The following KCNMB2 variants were observed in gnomAD, a reference collection of about 807,000 sequenced individuals.
The protein encoded by KCNMB2 is potassium calcium-activated channel subfamily M regulatory beta subunit 2.
A neutral mutation model predicts 24.5 loss-of-function variants in KCNMB2; 9 were observed. The observed-to-expected ratio is 0.37, with a 90% CI of 0.22 to 0.64. The LOEUF is 0.64. Ranked by LOEUF, KCNMB2 falls within the 30% of genes least tolerant of loss-of-function variation. The pLI is 0.63. For synonymous variants in KCNMB2, 109 were observed against 104.4 expected, an observed-to-expected ratio of 1.04 and a Z score of -0.27; for missense variants, 226 against 284.3, an observed-to-expected ratio of 0.79 and a Z score of 1.47.
intron 1 of KCNMB2, among the ~76,000 whole-genome samples, chr3:178,771,412 C>A (rs1473949772): frequency 2.7e-5 from 4 of 150,820 alleles, no homozygotes; most frequent in Non-Finnish European, 5.9e-5. Context: ...AAGTCCTGGA[C>A]ATTGCCTACA....
At chr3:178,586,136 C>A (rs961016729) in intron 1 of KCNMB2, among the ~76,000 whole-genome samples, 2 of 152,108 alleles carry the variant, frequency 1.3e-5, no homozygotes, top group African/African-American at 4.8e-5. Context: ...CTGGGATAAG[C>A]CCATGGATGT....
intron 1 of KCNMB2, among the ~76,000 whole-genome samples, chr3:178,562,129 C>T (rs1716341969): frequency 6.6e-6 from 1 of 152,204 alleles, no homozygotes; most frequent in African/African-American, 2.4e-5. Context: ...CTTTGCCTAC[C>T]TTTCTATAAT....
chr3:178,654,177 T>C (rs1720236797), intron 1 of KCNMB2, among the ~76,000 whole-genome samples: 1 of 152,208 alleles, frequency 6.6e-6, no homozygotes, highest in Non-Finnish European at 1.5e-5. Flanking sequence ...ATTTTATATC[T>C]GTGACTATTT....
chr3:178,607,320 T>C (rs1718309394), intron 1 of KCNMB2, among the ~76,000 whole-genome samples: 1 of 152,200 alleles, frequency 6.6e-6, no homozygotes, highest in Admixed American at 6.5e-5. Context: ...AAGGCTAAGT[T>C]GATAATAAAT....
At chr3:178,676,478 A>G (rs1008970445) in intron 1 of KCNMB2, among the ~76,000 whole-genome samples, 5 of 152,182 alleles carry the variant, frequency 3.3e-5, no homozygotes, top group African/African-American at 4.8e-5. Flanking sequence ...CATCCTCCTC[A>G]GCCATTTTTC....
At chr3:178,804,234 G>T (rs192341775) in intron 1 of KCNMB2, among the ~76,000 whole-genome samples, 2 of 152,268 alleles carry the variant, frequency 1.3e-5, no homozygotes, top group East Asian at 3.9e-4. Flanking sequence ...GAGCAAAATT[G>T]AATTAATATC....
chr3:178,626,442 G>A (rs1310710350), intron 1 of KCNMB2, among the ~76,000 whole-genome samples: 1 of 152,190 alleles, frequency 6.6e-6, no homozygotes, highest in Non-Finnish European at 1.5e-5. Flanking sequence ...TTTTCACACT[G>A]CTATAAAGAA....
intron 1 of KCNMB2, among the ~76,000 whole-genome samples, chr3:178,655,038 G>A (rs1419446861): frequency 6.6e-6 from 1 of 150,566 alleles, no homozygotes; most frequent in East Asian, 2.0e-4. Context: ...AGAATTAAAT[G>A]AGATCAAATA....
rs1560004846 is a variant in KCNMB2, at chr3:178,757,300, A to ATATG, written c.-67-50040_-67-50039insGTAT. Among the ~76,000 whole-genome samples the ATATG allele has an allele frequency of 5.8e-4, 72 of 124,894 alleles. 4 individuals carry two copies. The highest frequency in any genetic ancestry group is 2.0e-3 in the African/African-American group (68 of 33,516). The allele number at this position is 124,894 out of a possible 152,430, so 81.9% of individuals were successfully genotyped here. On this transcript the variant is annotated intron_variant, in intron 1 of 4. Transcript: ENST00000452583. ...TACATATATCCAAGAGGATATATATATATATATCCATCCAAGAGGACATAT... is the reference window on the plus strand; with the variant it reads ...TACATATATCCAAGAGGATATATATATATGTATATATCCATCCAAGAGGACATAT...
intron 1 of KCNMB2, among the ~76,000 whole-genome samples, chr3:178,757,791 TATCTTATATCC>T (rs1257439133): frequency 9.7e-5 from 8 of 82,102 alleles, no homozygotes; most frequent in Non-Finnish European, 1.6e-4. Context: ...TATATACATA[TATCTTATATCC>T]ATCCAAGAGG....
chr3:178,831,116 T>C (rs568760820), intron 4 of KCNMB2, among the ~76,000 whole-genome samples: 7 of 152,036 alleles, frequency 4.6e-5, no homozygotes, highest in Non-Finnish European at 7.4e-5. Context: ...TTTTTGTTTG[T>C]TTTTTCATAT....
At chr3:178,803,168 T>C (rs1560027834) in intron 1 of KCNMB2, among the ~76,000 whole-genome samples, 1 of 152,192 alleles carries the variant, frequency 6.6e-6, no homozygotes, top group African/African-American at 2.4e-5. Flanking sequence ...AGACGTTAAA[T>C]TGACTTGTCC....
At chr3:178,600,034 T>C (rs1718023538) in intron 1 of KCNMB2, among the ~76,000 whole-genome samples, 1 of 152,210 alleles carries the variant, frequency 6.6e-6, no homozygotes, top group South Asian at 2.1e-4. Flanking sequence ...TGTGCCACCA[T>C]GCCCAGCTAA....
intron 1 of KCNMB2, among the ~76,000 whole-genome samples, chr3:178,751,063 C>A (rs1577148380): frequency 1.3e-5 from 2 of 151,848 alleles, no homozygotes; most frequent in East Asian, 3.9e-4. Context: ...ACTCACATAA[C>A]TAAATAGTTT....
intron 1 of KCNMB2, among the ~76,000 whole-genome samples, chr3:178,576,445 G>A (rs949487574): frequency 6.6e-6 from 1 of 152,142 alleles, no homozygotes. Flanking sequence ...CAAGCTGCAG[G>A]AATTTTTTTT....
At chr3:178,746,533 A>G (rs764030674) in intron 1 of KCNMB2, among the ~76,000 whole-genome samples, 4 of 152,184 alleles carry the variant, frequency 2.6e-5, no homozygotes, top group Non-Finnish European at 4.4e-5. Context: ...TTACTTATGC[A>G]AATTTCTGCA....
intron 1 of KCNMB2, among the ~76,000 whole-genome samples, chr3:178,567,411 T>A (rs919959129): frequency 1.3e-5 from 2 of 152,112 alleles, no homozygotes; most frequent in African/African-American, 4.8e-5. Context: ...AACTAGTGGC[T>A]TAGAGAAGGT....
At chr3:178,719,860 G>C (rs989627882) in intron 1 of KCNMB2, among the ~76,000 whole-genome samples, 1 of 152,006 alleles carries the variant, frequency 6.6e-6, no homozygotes, top group Non-Finnish European at 1.5e-5. Context: ...ATTCCCTCCT[G>C]CTGTATTCAA....
At chr3:178,712,586 T>C (rs1722489794) in intron 1 of KCNMB2, among the ~76,000 whole-genome samples, 2 of 152,212 alleles carry the variant, frequency 1.3e-5, no homozygotes, top group Non-Finnish European at 1.5e-5. Context: ...ACTGCAATAT[T>C]AGGTGTTGTC....
Sources: gnomAD v4.1 joint callset for allele counts (sites outside exome capture counted in the v4.1 genomes callset) on GRCh38, gnomAD v4.1.1 for gene constraint, MANE v1.5 for transcripts, NCBI Gene and HGNC (gene_info 2026-07-23, HGNC 2026-07-21) for gene names.